The following EPHA6 variants were observed in gnomAD, a reference collection of about 807,000 sequenced individuals.
The protein encoded by EPHA6 is ephrin type-A receptor 6.
Under a neutral mutation model 112.0 loss-of-function variants are expected in EPHA6, and 50 were observed. That is an observed-to-expected ratio of 0.45 (90% confidence interval 0.36 to 0.56). The LOEUF is 0.56. Among genes scored for constraint, EPHA6 ranks in the 20% least tolerant of loss-of-function variants. EPHA6 has a pLI of 0.00. For missense variants in EPHA6, 1,280 were observed against 1,417.4 expected (o/e 0.90, Z 1.56); for synonymous variants, 529 against 490.7 (o/e 1.08, Z -1.03).
At chr3:97,187,741 GAAAGAGGAAAGAAA>G (rs1559784768) in intron 3 of EPHA6, among the ~76,000 whole-genome samples, 1 of 146,626 alleles carries the variant, frequency 6.8e-6, no homozygotes, top group Non-Finnish European at 1.5e-5. Context: ...AAGAAAGAAA[GAAAGAGGAAAGAAA>G]GAAAGAAAAA....
intron 5 of EPHA6, among the ~76,000 whole-genome samples, chr3:97,333,113 T>C (rs750637339): frequency 7.9e-5 from 12 of 152,082 alleles, no homozygotes; most frequent in Non-Finnish European, 1.5e-4. Context: ...TATATTTCCA[T>C]TTATTTAGAT....
intron 1 of EPHA6, among the ~76,000 whole-genome samples, chr3:96,845,219 G>C (rs887721622): frequency 3.5e-4 from 53 of 152,080 alleles, no homozygotes; most frequent in African/African-American, 1.0e-3. Context: ...GTATAATTAA[G>C]TGGCAGCATG....
chr3:97,653,876 A>G (rs913178394), intron 14 of EPHA6, among the ~76,000 whole-genome samples: 11 of 151,986 alleles, frequency 7.2e-5, no homozygotes, highest in Non-Finnish European at 1.5e-4. Flanking sequence ...ATGCTAAATG[A>G]CATAATCCAG....
chr3:97,053,150 A>G (rs2045740500), intron 3 of EPHA6, among the ~76,000 whole-genome samples: 1 of 152,142 alleles, frequency 6.6e-6, no homozygotes, highest in South Asian at 2.1e-4. Context: ...ATGAGGTAAT[A>G]AAGGTATTTT....
At chr3:97,540,633 G>A (rs2092835328) in intron 11 of EPHA6, among the ~76,000 whole-genome samples, 1 of 152,046 alleles carries the variant, frequency 6.6e-6, no homozygotes, top group African/African-American at 2.4e-5. Context: ...GCTGCTAATT[G>A]TCGGGTAGAC....
intron 3 of EPHA6, among the ~76,000 whole-genome samples, chr3:97,133,382 T>G (rs890803205): frequency 1.3e-5 from 2 of 152,202 alleles, no homozygotes; most frequent in East Asian, 3.9e-4. Context: ...AAAAGACTTA[T>G]AGCCAGATTT....
In EPHA6 at chr3:96,855,082, C is replaced by T. The variant is rs115800385; in HGVS notation, c.386-11743C>T. Among the ~76,000 whole-genome samples, 301 of 152,198 alleles carry T rather than the reference C, an allele frequency of 2.0e-3. 3 individuals carry two copies. The highest frequency in any genetic ancestry group is 6.6e-3 in the African/African-American group (276 of 41,536). On this transcript the variant is annotated intron_variant, in intron 1 of 17. Transcript: ENST00000389672. ...GGAGACCACCCATGTTCCTCGGCTG[C>T]CTTCCTCTCTCTTCAGAGCCAGCAA... is the stretch of plus-strand genomic sequence containing the variant.
chr3:97,491,279 C>T (rs1280141981), intron 10 of EPHA6, among the ~76,000 whole-genome samples: 1 of 152,174 alleles, frequency 6.6e-6, no homozygotes, highest in Non-Finnish European at 1.5e-5. Context: ...GTTTGGGGCT[C>T]TAAGGTGGTC....
At chr3:97,219,238 T>C (rs1559806241) in intron 3 of EPHA6, among the ~76,000 whole-genome samples, 1 of 152,116 alleles carries the variant, frequency 6.6e-6, no homozygotes, top group Non-Finnish European at 1.5e-5. Flanking sequence ...CCTCTTCTCA[T>C]AGCACCACTA....
chr3:97,500,956 T>C (rs2092102694), intron 10 of EPHA6, among the ~76,000 whole-genome samples: 1 of 152,164 alleles, frequency 6.6e-6, no homozygotes, highest in African/African-American at 2.4e-5. Flanking sequence ...AGTTCTAAAG[T>C]ACTATGCCCA....
chr3:97,615,574 T>C (rs929740257), intron 13 of EPHA6, among the ~76,000 whole-genome samples: 24 of 152,124 alleles, frequency 1.6e-4, no homozygotes, highest in Non-Finnish European at 2.9e-4. Flanking sequence ...TGGGACAGGA[T>C]AGAGTTCCTG....
intron 3 of EPHA6, among the ~76,000 whole-genome samples, chr3:97,065,741 C>A (rs939805054): frequency 6.6e-6 from 1 of 151,958 alleles, no homozygotes; most frequent in Non-Finnish European, 1.5e-5. Flanking sequence ...CATACATGAG[C>A]CAACATGTTA....
rs182206116 is a variant in EPHA6, at chr3:97,157,052, A to G, written c.1115-69212A>G. On this transcript the variant is annotated intron_variant, in intron 3 of 17. Transcript: ENST00000389672. ...AGAGTAGAGCTTATTTTTGAGGTAT[A>G]AAAAGTCATATATCTGTTGTAGGGG... 4.6e-5 allele frequency among the ~76,000 whole-genome samples: 7 copies of G among 152,256 alleles called. No homozygotes were observed. The East Asian group carries it at 1.4e-3, about 29-fold the overall frequency.
chr3:97,569,625 G>A (rs1352364491), intron 11 of EPHA6, among the ~76,000 whole-genome samples: 3 of 152,216 alleles, frequency 2.0e-5, no homozygotes, highest in East Asian at 3.9e-4. Context: ...AAGAGTAAAT[G>A]AGAATATTGT....
intron 7 of EPHA6, among the ~76,000 whole-genome samples, chr3:97,458,093 AGCAGCTT>A (rs2090760187): frequency 6.7e-6 from 1 of 149,664 alleles, no homozygotes; most frequent in African/African-American, 2.5e-5. Flanking sequence ...AAAAAAAAAA[AGCAGCTT>A]AAGTATTCAT....
intron 1 of EPHA6, among the ~76,000 whole-genome samples, chr3:96,846,236 C>T (rs116454425): frequency 0.014 from 2,155 of 152,112 alleles, 25 homozygotes; most frequent in Non-Finnish European, 0.023. Context: ...AAGCCACTGT[C>T]CCATAGCGGT....
At chr3:96,945,988 G>T (rs967852072) in intron 2 of EPHA6, among the ~76,000 whole-genome samples, 2 of 152,092 alleles carry the variant, frequency 1.3e-5, no homozygotes, top group South Asian at 2.1e-4. Context: ...TGCTCTGCTT[G>T]TTCATCCCTC....
At chr3:97,538,421 AT>A (rs2092792613) in intron 11 of EPHA6, among the ~76,000 whole-genome samples, 1 of 152,130 alleles carries the variant, frequency 6.6e-6, no homozygotes, top group African/African-American at 2.4e-5. Flanking sequence ...AAAATAGTGA[AT>A]TCTTATTTGG....
chr3:97,420,843 A>G (rs1431266673), intron 6 of EPHA6, among the ~76,000 whole-genome samples: 3 of 136,894 alleles, frequency 2.2e-5, no homozygotes, highest in Non-Finnish European at 4.4e-5. Context: ...AAAGACAAAC[A>G]GACAAAAAAA....
Sources: gnomAD v4.1 joint callset for allele counts (sites outside exome capture counted in the v4.1 genomes callset) on GRCh38, gnomAD v4.1.1 for gene constraint, MANE v1.5 for transcripts, NCBI Gene and HGNC (gene_info 2026-07-23, HGNC 2026-07-21) for gene names.